The following DAZL variants were observed in gnomAD, a reference collection of about 807,000 sequenced individuals.
The protein encoded by DAZL is deleted in azoospermia-like.
Under a neutral mutation model 45.0 loss-of-function variants are expected in DAZL, and 4 were observed. The observed-to-expected ratio is 0.09, with a 90% confidence interval of 0.04 to 0.20. DAZL has a LOEUF of 0.20. DAZL is among the 10% of genes least tolerant of loss of function. The pLI, the probability that DAZL is intolerant of heterozygous loss-of-function variation, is 1.00. For missense variants in DAZL, 326 were observed against 351.3 expected (o/e 0.93, Z 0.58); for synonymous variants, 122 against 112.4 (o/e 1.09, Z -0.54).
chr3:16,593,442 G>T (rs1292243677), intron 9 of DAZL, among the ~76,000 whole-genome samples: 1 of 152,022 alleles, frequency 6.6e-6, no homozygotes, highest in Non-Finnish European at 1.5e-5. Context: ...AAAAGTGCTG[G>T]GATTACAGGC....
intron 1 of DAZL, among the ~76,000 whole-genome samples, chr3:16,601,582 G>T (rs1694690392): frequency 6.6e-6 from 1 of 152,112 alleles, no homozygotes; most frequent in Admixed American, 6.5e-5. Context: ...AAACTTTGGT[G>T]AAACCGTGGC....
chr3:16,601,415 A>T (rs1242079278), intron 1 of DAZL, among the ~76,000 whole-genome samples: 1 of 152,234 alleles, frequency 6.6e-6, no homozygotes, highest in African/African-American at 2.4e-5. Context: ...AGGAGGCACC[A>T]TCATGTCCTA....
rs1426815952 is a variant in DAZL at position 16,596,767 on chromosome 3, T to C, written c.481A>G (p.Ile161Val). ...YMQPTTTMNP[I>V]TQYVQAYPTY... ...ATTCTTACCTGAACATACTGAGTTA[T>C]AGGATTCATCGTGGTTGTGGGCTGC... The change falls in exon 6 of 11, where the codon ATA becomes GTA. Residue 161 changes from isoleucine to valine, a missense_variant. Physicochemically the swap from Ile to Val is conservative, Grantham distance 29 (BLOSUM62 3). Transcript: ENST00000399444. 1.4e-5 allele frequency: 23 copies of C among 1,613,762 alleles called. No individual in the cohort carries two copies. Among genetic ancestry groups the C allele is most frequent in the South Asian group, 2.2e-5 (2 of 91,062 alleles).
chr3:16,590,658 CAG>C (rs1694503769), intron 10 of DAZL, among the ~76,000 whole-genome samples: 1 of 152,044 alleles, frequency 6.6e-6, no homozygotes, highest in Non-Finnish European at 1.5e-5. Flanking sequence ...AATGGATAAA[CAG>C]AATGAATAAT....
At chr3:16,599,424 G>C (rs942690684) in intron 1 of DAZL, among the ~76,000 whole-genome samples, 2 of 152,028 alleles carry the variant, frequency 1.3e-5, no homozygotes, top group African/African-American at 4.8e-5. Flanking sequence ...CAATTTTAAC[G>C]CTGTGTTAGT....
intron 1 of DAZL, among the ~76,000 whole-genome samples, chr3:16,599,192 A>C (rs1559404066): frequency 6.6e-6 from 1 of 151,896 alleles, no homozygotes; most frequent in Non-Finnish European, 1.5e-5. Flanking sequence ...CTTAAAAAAA[A>C]AACAAACCCA....
At position 16,600,556 on chromosome 3, in the gene DAZL, C is replaced by T. The variant is rs9824977; in HGVS notation, c.4-1958G>A. On this transcript the variant is annotated intron_variant, in intron 1 of 10. Transcript: ENST00000399444. ...TGTTTTTCTAAATGACATTAAGCTG[C>T]GTATCTTGAACTATTAGGAACCTGA... is the stretch of plus-strand genomic sequence containing the variant. Among the ~76,000 whole-genome samples the T allele has an allele frequency of 1.2e-4, 18 of 152,262 alleles. No homozygotes were observed. In the East Asian group the frequency reaches 2.3e-3, roughly 20 times the overall value.
intron 1 of DAZL, among the ~76,000 whole-genome samples, chr3:16,600,204 AACAAG>A (rs200504519): frequency 0.013 from 1,929 of 152,310 alleles, 46 homozygotes; most frequent in African/African-American, 0.044. Flanking sequence ...TCTGAAAGAA[AACAAG>A]ACAAAAGAAA....
At chr3:16,590,949 C>A (rs534168958) in intron 10 of DAZL, among the ~76,000 whole-genome samples, 1 of 152,164 alleles carries the variant, frequency 6.6e-6, no homozygotes, top group South Asian at 2.1e-4. Context: ...GTCATGGTTA[C>A]ACAACTTTGA....
chr3:16,588,667 G>T lies in DAZL; in HGVS notation c.881C>A (p.Ser294Tyr). ...HFRRSRAMLKSV is the reference protein window; with the variant it reads ...HFRRSRAMLKYV ...CTAGATAAGCCAGGAGGATCAAACAGATTTAAGCATTGCCCGACTTCTTCT... is the reference window on the plus strand; with the variant it reads ...CTAGATAAGCCAGGAGGATCAAACATATTTAAGCATTGCCCGACTTCTTCT... The change falls in exon 11 of 11, where the codon TCT (serine) becomes TAT (tyrosine). Residue 294 changes from serine to tyrosine, a missense_variant. This residue lies in a region of DAZL where 227 missense variants were observed against 216.6 expected (regional missense o/e 1.05). Transcript: ENST00000399444. The T allele has an allele frequency of 6.2e-7, 1 of 1,610,586 alleles. No individual in the cohort carries two copies. The highest frequency in any genetic ancestry group is 8.5e-7 in the Non-Finnish European group (1 of 1,177,232).
intron 1 of DAZL, among the ~76,000 whole-genome samples, chr3:16,599,365 C>G (rs942032412): frequency 2.0e-5 from 3 of 152,092 alleles, no homozygotes; most frequent in African/African-American, 7.2e-5. Flanking sequence ...AAGTTTTAAA[C>G]CAATTTGTCC....
rs1374211463 is a variant in DAZL, at chr3:16,605,381, G to A, written c.-176C>T. 2.8e-5 allele frequency: 21 copies of A among 758,058 alleles called. No homozygotes were observed. The highest frequency in any genetic ancestry group is 4.3e-5 in the Non-Finnish European group (19 of 437,854). The allele number at this position is 758,058 out of a possible 1,614,324, so 47.0% of individuals were successfully genotyped here. On this transcript the variant is annotated 5_prime_UTR_variant, in exon 1 of 11. Coordinates refer to ENST00000399444, the MANE Select transcript of DAZL (RefSeq NM_001351.4). ...CAAGAGCGGGTGACAAGGCTGAGGA[G>A]CCCCGAAAGGCGGACCGTCAGGCTG...
At chr3:16,595,195 T>C (rs1332745940) in intron 7 of DAZL, 119 bp downstream of exon 7, 1 of 573,508 alleles carries the variant, frequency 1.7e-6, no homozygotes, top group Non-Finnish European at 3.0e-6. Context: ...AATTTTTTTC[T>C]TAAATTTTAG....
intron 9 of DAZL, among the ~76,000 whole-genome samples, chr3:16,592,806 G>A (rs3773826): frequency 0.072 from 10,933 of 152,044 alleles, 556 homozygotes; most frequent in Non-Finnish European, 0.098. Flanking sequence ...TTTTAAAATC[G>A]AGTATCAAAT....
chr3:16,604,438 ACCT>A (rs1694741611), intron 1 of DAZL: 1 of 1,530,836 alleles, frequency 6.5e-7, no homozygotes, highest in Non-Finnish European at 8.7e-7. Flanking sequence ...GCTGAAACCA[ACCT>A]CGTGCGGCAA....
intron 1 of DAZL, among the ~76,000 whole-genome samples, chr3:16,598,862 C>T (rs1182565011): frequency 6.6e-6 from 1 of 151,426 alleles, no homozygotes; most frequent in Non-Finnish European, 1.5e-5. Context: ...CGGCTCACTG[C>T]AACCTCTGTC....
intron 1 of DAZL, among the ~76,000 whole-genome samples, chr3:16,599,196 A>C (rs1010001568): frequency 1.7e-5 from 2 of 117,116 alleles, no homozygotes; most frequent in Non-Finnish European, 3.8e-5. Flanking sequence ...AAAAAAAAAC[A>C]AACCCAAAAT....
chr3:16,592,315 A>C (rs1404320555), intron 9 of DAZL, among the ~76,000 whole-genome samples, 167 bp from the exon 10 acceptor site: 1 of 152,116 alleles, frequency 6.6e-6, no homozygotes, highest in Non-Finnish European at 1.5e-5. Context: ...CCAGCACTTT[A>C]GGAGGCCAAG....
intron 8 of DAZL, 150 bp from the exon 9 acceptor site, chr3:16,593,918 T>C (rs1279393762): frequency 1.7e-6 from 1 of 578,128 alleles, no homozygotes; most frequent in Non-Finnish European, 3.1e-6. Context: ...TTGTTTTAAA[T>C]GAACAGTTGA....
Sources: allele counts gnomAD v4.1 joint callset (sites outside exome capture counted in the v4.1 genomes callset), GRCh38; gene constraint gnomAD v4.1.1; regional missense constraint gnomAD v4.1.1; transcripts MANE v1.5; gene names NCBI Gene and HGNC (gene_info 2026-07-23, HGNC 2026-07-21).